FARP1: variants seen among roughly 807,000 people sequenced by gnomAD.
FARP1 encodes FERM, ARH/RhoGEF and pleckstrin domain protein 1.
A neutral mutation model predicts 128.8 loss-of-function variants in FARP1; 52 were observed. That is an observed-to-expected ratio of 0.40 (90% CI 0.32 to 0.51). The LOEUF is 0.51. Among genes scored for constraint, FARP1 ranks in the 20% least tolerant of loss-of-function variants. The probability of loss-of-function intolerance (pLI) is 0.45; values close to 1 mark genes in which losing one functional copy is unlikely to be tolerated. For missense variants in FARP1, 1,333 were observed against 1,367.9 expected (o/e 0.97, Z 0.40); for synonymous variants, 580 against 551.8 (o/e 1.05, Z -0.72).
intron 1 of FARP1, among the ~76,000 whole-genome samples, chr13:98,148,476 G>C (rs981333777): frequency 1.3e-5 from 2 of 152,162 alleles, no homozygotes. Context: ...TTTGGGATCT[G>C]TTCTTTTATA....
At chr13:98,299,556 A>G (rs1885837731) in intron 2 of FARP1, among the ~76,000 whole-genome samples, 1 of 152,250 alleles carries the variant, frequency 6.6e-6, no homozygotes, top group Non-Finnish European at 1.5e-5. Flanking sequence ...CTGGGTGGCA[A>G]CATAAATGCT....
intron 24 of FARP1, among the ~76,000 whole-genome samples, chr13:98,441,361 G>A (rs1229818815): frequency 1.3e-5 from 2 of 152,348 alleles, no homozygotes; most frequent in African/African-American, 4.8e-5. Flanking sequence ...TTATTTCATC[G>A]TCATTTTACA....
intron 3 of FARP1, among the ~76,000 whole-genome samples, chr13:98,362,350 G>A (rs563959820): frequency 3.3e-5 from 5 of 152,306 alleles, no homozygotes; most frequent in Admixed American, 6.5e-5. Flanking sequence ...GTTTCTTGAC[G>A]AAGCCATTCA....
At position 98,176,040 on chromosome 13, in the gene FARP1, G is replaced by C; in HGVS notation, c.-24+32548G>C. On this transcript the variant is annotated intron_variant, in intron 1 of 26. Coordinates refer to ENST00000319562, the MANE Select transcript of FARP1 (RefSeq NM_005766.4). The surrounding 1 kb of genome is among the most constrained non-coding windows in gnomAD (Gnocchi z 6.2). ...AACATGGGAGTGCACATACCTCTTT[G>C]AGATCCGGATTTCAATTCTTTTGGT... The C allele has an allele frequency of 3.3e-6, 3 of 909,250 alleles. No individual in the cohort carries two copies. In the South Asian group the frequency reaches 4.7e-5, roughly 14 times the overall value. 56.3% of individuals were successfully genotyped at this position (909,250 alleles called of 1,614,324 possible).
At chr13:98,249,292 C>T (rs1300780718) in intron 2 of FARP1, among the ~76,000 whole-genome samples, 1 of 152,126 alleles carries the variant, frequency 6.6e-6, no homozygotes, top group Non-Finnish European at 1.5e-5. Context: ...ACTGTTACAA[C>T]TTTGCCTTTG....
At chr13:98,151,658 A>ATTTTTTTTTTT (rs1197060435) in intron 1 of FARP1, among the ~76,000 whole-genome samples, 3 of 24,176 alleles carry the variant, frequency 1.2e-4, no homozygotes, top group Non-Finnish European at 5.0e-4. Flanking sequence ...TATATCTTCC[A>ATTTTTTTTTTT]TCTTTTTTTT....
At chr13:98,366,512 G>A (rs553775358) in intron 4 of FARP1, among the ~76,000 whole-genome samples, 3 of 152,334 alleles carry the variant, frequency 2.0e-5, no homozygotes, top group East Asian at 3.9e-4. Flanking sequence ...TTTGTCCCCC[G>A]CATGAAGGGA....
intron 2 of FARP1, among the ~76,000 whole-genome samples, chr13:98,289,961 G>T (rs1342231347): frequency 3.9e-5 from 6 of 152,092 alleles, no homozygotes; most frequent in African/African-American, 7.2e-5. Flanking sequence ...GCAAAGGTCA[G>T]TGTTTCATAC....
At chr13:98,264,419 C>T (rs1884007373) in intron 2 of FARP1, among the ~76,000 whole-genome samples, 1 of 152,184 alleles carries the variant, frequency 6.6e-6, no homozygotes, top group African/African-American at 2.4e-5. Flanking sequence ...TCCTTTTGTC[C>T]AGTGGATCCA....
intron 2 of FARP1, among the ~76,000 whole-genome samples, chr13:98,260,493 C>T (rs1266979472): frequency 6.6e-6 from 1 of 152,218 alleles, no homozygotes. Context: ...TCTGCAGCAT[C>T]TGAAAGACCC....
In FARP1 at chr13:98,410,668, G is replaced by A. The variant is rs1039827586; in HGVS notation, c.1603-66G>A. The A allele has an allele frequency of 2.2e-5, 16 of 740,550 alleles. No homozygotes were observed. In the Admixed American group the frequency reaches 2.4e-4, roughly 11 times the overall value. 45.9% of individuals were successfully genotyped at this position (740,550 alleles called of 1,614,324 possible). A position where few individuals can be genotyped will look rare whatever the true frequency, so the allele number is the denominator to read the frequency against. The stretch of plus-strand genomic sequence containing the variant: ...GTTAGTAACATATCACTTTAATGAG[G>A]ACATTCTCCGAGACGCATACTCAAA... On this transcript the variant is annotated intron_variant, in intron 14 of 26. Coordinates refer to ENST00000319562, the MANE Select transcript of FARP1 (RefSeq NM_005766.4).
intron 1 of FARP1, among the ~76,000 whole-genome samples, chr13:98,202,344 A>G (rs890564069): frequency 2.6e-5 from 4 of 152,186 alleles, no homozygotes; most frequent in South Asian, 2.1e-4. Context: ...CCCTCACTCA[A>G]TGGCACATCC....
At chr13:98,419,006 G>A (rs2140139039) in intron 16 of FARP1, among the ~76,000 whole-genome samples, 1 of 152,318 alleles carries the variant, frequency 6.6e-6, no homozygotes, top group Admixed American at 6.5e-5. Context: ...GAATGGGAGG[G>A]CTTCTGTCTT....
chr13:98,157,755 G>A (rs926628086), intron 1 of FARP1, among the ~76,000 whole-genome samples: 1 of 152,196 alleles, frequency 6.6e-6, no homozygotes, highest in African/African-American at 2.4e-5. Flanking sequence ...TCCTCACTTA[G>A]AGCAACTTCT....
At position 98,208,012 on chromosome 13, in the gene FARP1, G is replaced by T. The variant is rs569696611; in HGVS notation, c.-23-5208G>T. Among the ~76,000 whole-genome samples, 4 of 142,300 alleles carry T rather than the reference G, an allele frequency of 2.8e-5. No homozygotes were observed. In the South Asian group the frequency reaches 6.7e-4, roughly 24 times the overall value. 93.4% of individuals were successfully genotyped at this position (142,300 alleles called of 152,430 possible). ...GTATTGAGGATCTCTCTTCCACTTCGGTGAAGGGCACTAGGCTGGGATTCT... is the reference window on the plus strand; with the variant it reads ...GTATTGAGGATCTCTCTTCCACTTCTGTGAAGGGCACTAGGCTGGGATTCT... On this transcript the variant is annotated intron_variant, in intron 1 of 26. Coordinates refer to ENST00000319562, the MANE Select transcript of FARP1 (RefSeq NM_005766.4).
Position 98,357,504 on chromosome 13 carries a change from T to C in FARP1, c.277-7891T>C, listed in dbSNP as rs186264928. ...TAGGTCTTCAAGTTTAGTAATATTT[T>C]CTTCGGGAATGCTGATCTGCTGTTA... On this transcript the variant is annotated intron_variant, in intron 3 of 26. Transcript: ENST00000319562. Among the ~76,000 whole-genome samples, 359 of 152,354 alleles carry C rather than the reference T, an allele frequency of 2.4e-3. 5 individuals are homozygous for C. The highest frequency in any genetic ancestry group is 7.9e-3 in the African/African-American group (329 of 41,580).
intron 2 of FARP1, among the ~76,000 whole-genome samples, chr13:98,280,877 C>T (rs568381567): frequency 1.1e-4 from 17 of 152,178 alleles, no homozygotes; most frequent in Admixed American, 3.3e-4. Flanking sequence ...TGGCTGGGTT[C>T]GTTCTGAGAA....
intron 2 of FARP1, among the ~76,000 whole-genome samples, chr13:98,305,709 A>T (rs1886119066): frequency 6.6e-6 from 1 of 151,916 alleles, no homozygotes; most frequent in Non-Finnish European, 1.5e-5. Context: ...CTCTTTCCTC[A>T]TTTCTGTCAA....
intron 2 of FARP1, among the ~76,000 whole-genome samples, chr13:98,304,541 C>T (rs1468603503): frequency 6.6e-5 from 10 of 152,208 alleles, no homozygotes; most frequent in South Asian, 2.1e-4. Flanking sequence ...GGCTGCAGAG[C>T]GGTACAGGCC....
Sources: gnomAD v4.1 joint callset for allele counts (sites outside exome capture counted in the v4.1 genomes callset) on GRCh38, gnomAD v4.1.1 for gene constraint, Gnocchi (gnomAD v3.1) non-coding constraint, MANE v1.5 for transcripts, NCBI Gene and HGNC (gene_info 2026-07-23, HGNC 2026-07-21) for gene names.